CSMD1: variants seen among roughly 807,000 people sequenced by gnomAD.
CSMD1 encodes CUB and sushi domain-containing protein 1.
CSMD1 carries 213 observed loss-of-function variants against 417.5 expected under a neutral mutation model. That is an observed-to-expected ratio of 0.51 (90% CI 0.46 to 0.57). The LOEUF (loss-of-function observed/expected upper bound fraction) is 0.57. Ranked by LOEUF, CSMD1 falls within the 20% of genes least tolerant of loss-of-function variation. The pLI is 0.00. For missense variants in CSMD1, 6,923 were observed against 4,529.7 expected (o/e 1.53, Z -15.17); for synonymous variants, 2,862 against 1,736.8 (o/e 1.65, Z -16.11).
At chr8:2,955,887 C>A in intron 63 of CSMD1, 119 bp from the exon 64 acceptor site, 1 of 667,840 alleles carries the variant, frequency 1.5e-6, no homozygotes, top group Admixed American at 2.9e-5. Flanking sequence ...TGTATATATA[C>A]ATATATATAC....
intron 1 of CSMD1, among the ~76,000 whole-genome samples, chr8:4,659,483 G>A (rs145847186): frequency 6.6e-6 from 1 of 152,140 alleles, no homozygotes; most frequent in African/African-American, 2.4e-5. Context: ...TACTGACACA[G>A]GCTGCACCAT....
intron 3 of CSMD1, among the ~76,000 whole-genome samples, chr8:4,191,658 G>T (rs1799039879): frequency 1.3e-5 from 2 of 148,222 alleles, no homozygotes; most frequent in African/African-American, 2.5e-5. Flanking sequence ...AAAGCCATAT[G>T]TAAAATTCAT....
intron 3 of CSMD1, among the ~76,000 whole-genome samples, chr8:4,276,490 C>G (rs566972203): frequency 3.9e-5 from 6 of 152,110 alleles, no homozygotes; most frequent in Non-Finnish European, 5.9e-5. Flanking sequence ...ATACCTAATA[C>G]AGATGACGGG....
chr8:3,716,448 C>T (rs1300494583), intron 6 of CSMD1, among the ~76,000 whole-genome samples: 3 of 152,154 alleles, frequency 2.0e-5, no homozygotes, highest in Non-Finnish European at 2.9e-5. Context: ...TCATGCCTCC[C>T]TTTTTTAGAC....
intron 3 of CSMD1, among the ~76,000 whole-genome samples, chr8:4,271,425 T>C (rs1804588588): frequency 6.6e-6 from 1 of 152,194 alleles, no homozygotes; most frequent in African/African-American, 2.4e-5. Context: ...TTTGAAATGT[T>C]GTAGGAGACT....
chr8:4,948,965 C>A (rs1346518402), intron 1 of CSMD1, among the ~76,000 whole-genome samples: 1 of 152,054 alleles, frequency 6.6e-6, no homozygotes, highest in Non-Finnish European at 1.5e-5. Context: ...TATAGCAAGG[C>A]TGATATAATT....
intron 3 of CSMD1, among the ~76,000 whole-genome samples, chr8:4,091,618 G>A (rs1376765296): frequency 6.6e-6 from 1 of 152,102 alleles, no homozygotes; most frequent in Non-Finnish European, 1.5e-5. Flanking sequence ...AGAGTAGCAA[G>A]AAAACAATTC....
chr8:3,405,440 C>T (rs1021542972), intron 15 of CSMD1, among the ~76,000 whole-genome samples: 11 of 152,228 alleles, frequency 7.2e-5, no homozygotes, highest in African/African-American at 2.6e-4. Context: ...TTTATGTCGG[C>T]TGTAACAAGA....
At chr8:3,909,053 G>A (rs1318607339) in intron 5 of CSMD1, among the ~76,000 whole-genome samples, 1 of 152,174 alleles carries the variant, frequency 6.6e-6, no homozygotes, top group Non-Finnish European at 1.5e-5. Flanking sequence ...AATGCGGGGA[G>A]CAGCTGAGAA....
At chr8:3,641,262 C>T (rs1310590864) in intron 7 of CSMD1, among the ~76,000 whole-genome samples, 1 of 152,048 alleles carries the variant, frequency 6.6e-6, no homozygotes, top group Admixed American at 6.6e-5. Flanking sequence ...TGAGCAAATC[C>T]AGGGGAGTAA....
intron 20 of CSMD1, among the ~76,000 whole-genome samples, chr8:3,365,656 T>A (rs1049702061): frequency 6.6e-6 from 1 of 152,228 alleles, no homozygotes; most frequent in Non-Finnish European, 1.5e-5. Flanking sequence ...AAAATATATG[T>A]AGATACTAGT....
intron 2 of CSMD1, among the ~76,000 whole-genome samples, chr8:4,445,022 AC>A (rs1443409663): frequency 1.3e-5 from 2 of 152,174 alleles, no homozygotes; most frequent in African/African-American, 4.8e-5. Context: ...TAAAATGAAA[AC>A]CTATACCCAT....
At chr8:3,257,089 A>T (rs536030585) in intron 26 of CSMD1, among the ~76,000 whole-genome samples, 1 of 152,300 alleles carries the variant, frequency 6.6e-6, no homozygotes, top group African/African-American at 2.4e-5. Context: ...TGGGAGGCCA[A>T]GGTGGGTGGA....
chr8:4,595,387 C>CTTTTTTTTTTTTTTTTCTTTTTTT, intron 2 of CSMD1, among the ~76,000 whole-genome samples: 128 of 147,096 alleles, frequency 8.7e-4, no homozygotes, highest in Middle Eastern at 3.5e-3. Context: ...CATTCATTTT[C>CTTTTTTTTTTTTTTTTCTTTTTTT]ATTCCATCCA....
intron 8 of CSMD1, among the ~76,000 whole-genome samples, chr8:3,611,876 T>A (rs1584959569): frequency 1.3e-5 from 2 of 152,062 alleles, no homozygotes; most frequent in Non-Finnish European, 2.9e-5. Context: ...TAAATTTTGA[T>A]GTAAGAAAAT....
chr8:4,726,431 T>C (rs908633049), intron 1 of CSMD1, among the ~76,000 whole-genome samples: 2 of 152,170 alleles, frequency 1.3e-5, no homozygotes, highest in Admixed American at 6.5e-5. Flanking sequence ...CAGAATTTGT[T>C]TTTAATACTC....
intron 5 of CSMD1, among the ~76,000 whole-genome samples, chr8:3,930,791 T>C (rs756137758): frequency 9.3e-5 from 14 of 150,518 alleles, no homozygotes; most frequent in Non-Finnish European, 1.5e-4. Flanking sequence ...TTCTAACATG[T>C]ACAAGGGTCA....
chr8:4,014,310 G>T (rs1796416566), intron 4 of CSMD1, among the ~76,000 whole-genome samples: 1 of 152,164 alleles, frequency 6.6e-6, no homozygotes, highest in African/African-American at 2.4e-5. Context: ...AGTGAACATG[G>T]GAAACATTCA....
At chr8:4,031,505 C>T (rs531666332) in intron 4 of CSMD1, among the ~76,000 whole-genome samples, 1 of 152,266 alleles carries the variant, frequency 6.6e-6, no homozygotes, top group East Asian at 1.9e-4. Flanking sequence ...TACCTTCTAC[C>T]AGGTTCCTCC....
Sources: allele counts gnomAD v4.1 joint callset (sites outside exome capture counted in the v4.1 genomes callset), GRCh38; gene constraint gnomAD v4.1.1; transcripts MANE v1.5; gene names NCBI Gene and HGNC (gene_info 2026-07-23, HGNC 2026-07-21).